The following FUT8 variants were observed in gnomAD, a reference collection of about 807,000 sequenced individuals.
FUT8 encodes fucosyltransferase 8.
Under a neutral mutation model 71.3 loss-of-function variants are expected in FUT8, and 29 were observed. The ratio of observed to expected loss-of-function variants is 0.41; its 90% CI spans 0.30 to 0.55. The LOEUF (loss-of-function observed/expected upper bound fraction) is 0.55. FUT8 is among the 20% of genes least tolerant of loss of function. The pLI is 0.34. For missense variants in FUT8, 544 were observed against 702.1 expected, an observed-to-expected ratio of 0.77 and a Z score of 2.55; for synonymous variants, 254 against 239.3, an observed-to-expected ratio of 1.06 and a Z score of -0.57.
intron 2 of FUT8, among the ~76,000 whole-genome samples, chr14:65,518,079 T>A (rs1362915434): frequency 1.3e-5 from 2 of 152,224 alleles, no homozygotes; most frequent in Admixed American, 1.3e-4. Context: ...CTTTTATGAA[T>A]TTAGTCATAA....
intron 2 of FUT8, among the ~76,000 whole-genome samples, chr14:65,555,479 T>C (rs866106488): frequency 6.6e-6 from 1 of 152,206 alleles, no homozygotes; most frequent in South Asian, 2.1e-4. Flanking sequence ...GGATCTCCTA[T>C]GCAAATTTTG....
chr14:65,628,090 G>T (rs535168081), intron 5 of FUT8, among the ~76,000 whole-genome samples: 1 of 152,222 alleles, frequency 6.6e-6, no homozygotes, highest in South Asian at 2.1e-4. Flanking sequence ...AGATTTCAAG[G>T]TCATTTAGAT....
chr14:65,443,120 A>G (rs2065686073), intron 1 of FUT8, among the ~76,000 whole-genome samples: 2 of 152,060 alleles, frequency 1.3e-5, no homozygotes, highest in Non-Finnish European at 2.9e-5. Context: ...TAAAAAATGA[A>G]GAGTTTTGGG....
intron 3 of FUT8, among the ~76,000 whole-genome samples, chr14:65,604,790 A>G (rs933910099): frequency 2.0e-5 from 3 of 151,890 alleles, no homozygotes; most frequent in Non-Finnish European, 4.4e-5. Flanking sequence ...AAACAAAAAC[A>G]ATACAAAAGA....
chr14:65,562,497 A>C (rs893775355), intron 3 of FUT8, among the ~76,000 whole-genome samples: 1 of 152,124 alleles, frequency 6.6e-6, no homozygotes, highest in African/African-American at 2.4e-5. Flanking sequence ...AAAGTCTCCT[A>C]TATATTTTCA....
intron 2 of FUT8, among the ~76,000 whole-genome samples, chr14:65,469,537 A>G (rs566861109): frequency 1.5e-4 from 23 of 152,330 alleles, no homozygotes; most frequent in Admixed American, 1.5e-3. Context: ...TCCTGTGTCC[A>G]GGAAGAATTA....
At chr14:65,506,050 T>C (rs954371227) in intron 2 of FUT8, among the ~76,000 whole-genome samples, 2 of 152,258 alleles carry the variant, frequency 1.3e-5, no homozygotes, top group Admixed American at 6.5e-5. Context: ...GCACCACAGA[T>C]GTGGAAGTAA....
rs145772192 is a variant in FUT8, at chr14:65,559,584, A to C, written c.-227-1753A>C. ...TAGTACAGTTTCAGCATATAAGTAT[A>C]GTAACATTTTACAGTGTTGCATATG... On this transcript the variant is annotated intron_variant, in intron 2 of 10. Transcript: ENST00000673929. 5.8e-3 allele frequency among the ~76,000 whole-genome samples: 874 copies of C among 149,954 alleles called. 1 individual carries two copies. Among genetic ancestry groups the C allele is most frequent in the Middle Eastern group, 0.025 (7 of 284 alleles).
chr14:65,446,034 A>T (rs1008566579), intron 1 of FUT8, among the ~76,000 whole-genome samples: 1 of 152,250 alleles, frequency 6.6e-6, no homozygotes, highest in African/African-American at 2.4e-5. Context: ...ACTATCATTT[A>T]TTGAAATAAT....
intron 7 of FUT8, among the ~76,000 whole-genome samples, chr14:65,687,784 A>T (rs1015963190): frequency 2.6e-5 from 4 of 151,668 alleles, no homozygotes; most frequent in Non-Finnish European, 5.9e-5. Context: ...ACCAAACTGG[A>T]GTGCAGTGGT....
At chr14:65,667,305 GACAA>G (rs1421156643) in intron 6 of FUT8, among the ~76,000 whole-genome samples, 1 of 152,080 alleles carries the variant, frequency 6.6e-6, no homozygotes, top group Non-Finnish European at 1.5e-5. Context: ...TCCTAGATCT[GACAA>G]ACAACTTCAG....
chr14:65,552,434 T>C (rs1376720097), intron 2 of FUT8, among the ~76,000 whole-genome samples: 1 of 152,214 alleles, frequency 6.6e-6, no homozygotes, highest in African/African-American at 2.4e-5. Context: ...TAGTGTTGTA[T>C]AGATTTAGGT....
intron 3 of FUT8, among the ~76,000 whole-genome samples, chr14:65,577,102 A>G (rs1037885245): frequency 1.3e-5 from 2 of 151,760 alleles, no homozygotes; most frequent in African/African-American, 4.8e-5. Flanking sequence ...CTCCTGCCTC[A>G]GCCTTCCAAA....
At position 65,627,484 on chromosome 14, in the gene FUT8, C is replaced by T. The variant is rs1435725678; in HGVS notation, c.483-2008C>T. On this transcript the variant is annotated intron_variant, in intron 5 of 10. Coordinates refer to ENST00000673929, the MANE Select transcript of FUT8 (RefSeq NM_001371533.1). This position sits in a 1 kb window ranked among gnomAD's most constrained non-coding sequence, Gnocchi z 4.0. ...GACTTGAGAGGGTCAAGTGTGCTGT[C>T]TGACCATTGACTTGGGCCTGTATAT... Among the ~76,000 whole-genome samples, 1 of 152,228 alleles carries T rather than the reference C, an allele frequency of 6.6e-6. No individual in the cohort carries two copies. The highest frequency in any genetic ancestry group is 2.4e-5 in the African/African-American group (1 of 41,468).
chr14:65,607,671 AT>A lies in FUT8; in HGVS notation c.204-8306del, dbSNP rs1018476879. ...CCTTGTCTACTTCTATATCAATCTT[AT>A]ACTAATCTCAGGAATGGAATTTTAG... On this transcript the variant is annotated intron_variant, in intron 3 of 10. Coordinates refer to ENST00000673929, the MANE Select transcript of FUT8 (RefSeq NM_001371533.1). The surrounding 1 kb of genome is among the most constrained non-coding windows in gnomAD (Gnocchi z 4.1). Among the ~76,000 whole-genome samples, 7 of 151,892 alleles carry A rather than the reference AT, an allele frequency of 4.6e-5. No individual in the cohort carries two copies. The highest frequency in any genetic ancestry group is 1.7e-4 in the African/African-American group (7 of 41,416).
At chr14:65,597,632 A>G (rs1247895277) in intron 3 of FUT8, among the ~76,000 whole-genome samples, 1 of 152,112 alleles carries the variant, frequency 6.6e-6, no homozygotes, top group Non-Finnish European at 1.5e-5. Context: ...AAAAAAAAAA[A>G]AAACATAAAT....
intron 1 of FUT8, among the ~76,000 whole-genome samples, chr14:65,445,585 C>G (rs1441204021): frequency 6.6e-6 from 1 of 152,092 alleles, no homozygotes; most frequent in Admixed American, 6.6e-5. Context: ...CCTACTTCCT[C>G]CCAAAAGTCT....
intron 6 of FUT8, among the ~76,000 whole-genome samples, chr14:65,666,705 G>C (rs1892234382): frequency 6.6e-6 from 1 of 151,852 alleles, no homozygotes; most frequent in African/African-American, 2.4e-5. Context: ...CCAAAACCTG[G>C]GAAAGACACA....
intron 5 of FUT8, among the ~76,000 whole-genome samples, chr14:65,626,172 T>TCAGACA (rs1005926870): frequency 1.3e-5 from 2 of 151,984 alleles, no homozygotes; most frequent in African/African-American, 2.4e-5. Flanking sequence ...TAGGTACTCT[T>TCAGACA]CAGACACAGT....
Sources: allele counts gnomAD v4.1 joint callset (sites outside exome capture counted in the v4.1 genomes callset), GRCh38; gene constraint gnomAD v4.1.1; non-coding constraint Gnocchi (gnomAD v3.1); transcripts MANE v1.5; gene names NCBI Gene and HGNC (gene_info 2026-07-23, HGNC 2026-07-21).